LCORL: variants seen among roughly 807,000 people sequenced by gnomAD.
LCORL encodes ligand-dependent nuclear receptor corepressor-like protein.
A neutral mutation model predicts 141.8 loss-of-function variants in LCORL; 41 were observed. The ratio of observed to expected loss-of-function variants is 0.29; its 90% CI spans 0.23 to 0.38. The LOEUF (loss-of-function observed/expected upper bound fraction) is 0.38, where lower values mean the gene tolerates loss of function less well. Ranked by LOEUF, LCORL falls within the 10% of genes least tolerant of loss-of-function variation. The probability of loss-of-function intolerance (pLI) is 1.00; values close to 1 mark genes in which losing one functional copy is unlikely to be tolerated. For synonymous variants in LCORL, 618 were observed against 694.1 expected, an observed-to-expected ratio of 0.89 and a Z score of 1.72; for missense variants, 1,759 against 2,035.0, an observed-to-expected ratio of 0.86 and a Z score of 2.61.
At chr4:18,018,051 C>T (rs950784759) in intron 1 of LCORL, among the ~76,000 whole-genome samples, 2 of 152,050 alleles carry the variant, frequency 1.3e-5, no homozygotes, top group Admixed American at 1.3e-4. Context: ...ATTCTTCCAA[C>T]TTTTAAGATT....
intron 6 of LCORL, among the ~76,000 whole-genome samples, chr4:17,879,304 T>C (rs1180251455): frequency 1.3e-5 from 2 of 151,148 alleles, no homozygotes; most frequent in African/African-American, 4.8e-5. Flanking sequence ...TTCACTTATA[T>C]TTTATAAAAA....
intron 4 of LCORL, among the ~76,000 whole-genome samples, chr4:17,934,157 T>C (rs576176949): frequency 6.6e-6 from 1 of 152,224 alleles, no homozygotes; most frequent in South Asian, 2.1e-4. Flanking sequence ...TACATGACTG[T>C]GTATTTGGCA....
intron 4 of LCORL, among the ~76,000 whole-genome samples, chr4:17,941,414 G>A (rs1372649491): frequency 6.6e-6 from 1 of 151,842 alleles, no homozygotes; most frequent in East Asian, 1.9e-4. Context: ...AGCCGAGATT[G>A]CACCATTGCA....
chr4:17,874,624 C>T, exon 7 of LCORL: 1 of 1,233,744 alleles, frequency 8.1e-7, no homozygotes, highest in East Asian at 3.2e-5. Flanking sequence ...TCAGCTTCAT[C>T]TCCACTTACT....
chr4:17,856,682 T>G (rs1272176218), intron 7 of LCORL, among the ~76,000 whole-genome samples: 1 of 152,184 alleles, frequency 6.6e-6, no homozygotes, highest in Non-Finnish European at 1.5e-5. Flanking sequence ...TAATAAAAGT[T>G]CGAATTTCTC....
chr4:17,940,116 G>GTGTA lies in LCORL; in HGVS notation c.430+21786_430+21787insTACA, dbSNP rs527378206. Among the ~76,000 whole-genome samples the GTGTA allele has an allele frequency of 3.1e-5, 4 of 127,328 alleles. No homozygotes were observed. In the East Asian group the frequency reaches 9.1e-4, roughly 29 times the overall value. The allele number at this position is 127,328 out of a possible 152,430, so 83.5% of individuals were successfully genotyped here. On this transcript the variant is annotated intron_variant, in intron 4 of 7. Transcript: ENST00000635767. ...CATATATAGGTAGATATATGTGTGTGTATATATATATGTATATGTGTATAT... is the reference window on the plus strand; with the variant it reads ...CATATATAGGTAGATATATGTGTGTGTGTATATATATATATGTATATGTGTATAT...
chr4:17,942,741 G>T (rs1407455378), intron 4 of LCORL, among the ~76,000 whole-genome samples: 2 of 152,134 alleles, frequency 1.3e-5, no homozygotes, highest in African/African-American at 2.4e-5. Flanking sequence ...TAGTATGGAA[G>T]AATACAATAT....
intron 7 of LCORL, among the ~76,000 whole-genome samples, chr4:17,848,747 G>GC (rs1723238902): frequency 6.6e-6 from 1 of 152,232 alleles, no homozygotes; most frequent in Non-Finnish European, 1.5e-5. Flanking sequence ...CTCGGGAAGC[G>GC]CAAGGGGTCA....
At chr4:17,900,695 T>A (rs1191462442) in intron 5 of LCORL, among the ~76,000 whole-genome samples, 1 of 152,108 alleles carries the variant, frequency 6.6e-6, no homozygotes, top group Admixed American at 6.6e-5. Context: ...GAAAGAGAAT[T>A]AGTAAATTGG....
At chr4:17,879,502 C>T (rs903209139) in intron 6 of LCORL, among the ~76,000 whole-genome samples, 1 of 150,832 alleles carries the variant, frequency 6.6e-6, no homozygotes, top group African/African-American at 2.4e-5. Flanking sequence ...AAGTCACTGC[C>T]GCCTCTAGAC....
At chr4:17,857,024 T>C (rs950685747) in intron 7 of LCORL, among the ~76,000 whole-genome samples, 8 of 152,246 alleles carry the variant, frequency 5.3e-5, no homozygotes, top group Non-Finnish European at 1.5e-5. Flanking sequence ...ACTCGGCACA[T>C]AGAAACTGGA....
chr4:17,963,985 A>G (rs905499429), intron 2 of LCORL, among the ~76,000 whole-genome samples: 3 of 152,108 alleles, frequency 2.0e-5, no homozygotes, highest in Admixed American at 1.3e-4. Context: ...GCTAAAATGC[A>G]CAGATAATAA....
intron 6 of LCORL, chr4:17,882,655 C>A: frequency 1.0e-6 from 1 of 984,638 alleles, no homozygotes; most frequent in Non-Finnish European, 1.2e-6. Context: ...TATCGCCCAC[C>A]AAAATGAAAT....
chr4:18,020,871 C>A, intron 1 of LCORL: 1 of 152,552 alleles, frequency 6.6e-6, no homozygotes. Flanking sequence ...CAACACCCCC[C>A]ATCCGTCCAG....
intron 5 of LCORL, among the ~76,000 whole-genome samples, chr4:17,904,316 C>T (rs2109308626): frequency 6.6e-6 from 1 of 152,152 alleles, no homozygotes; most frequent in Admixed American, 6.5e-5. Context: ...GTCTCACTGG[C>T]TGTAGTTTTG....
chr4:17,930,459 G>A (rs766394606), intron 4 of LCORL, among the ~76,000 whole-genome samples: 2 of 152,190 alleles, frequency 1.3e-5, no homozygotes, highest in Non-Finnish European at 2.9e-5. Flanking sequence ...TAGTTGGAAT[G>A]CTGCCAGTGT....
chr4:17,939,158 G>C (rs1737391133), intron 4 of LCORL, among the ~76,000 whole-genome samples: 1 of 152,180 alleles, frequency 6.6e-6, no homozygotes, highest in South Asian at 2.1e-4. Context: ...TACATGAATT[G>C]TCTGTAAGAA....
chr4:17,950,749 T>C (rs954797186), intron 4 of LCORL, among the ~76,000 whole-genome samples: 2 of 151,982 alleles, frequency 1.3e-5, no homozygotes, highest in Non-Finnish European at 2.9e-5. Flanking sequence ...ATGTTCATCA[T>C]TAGTCAAGCA....
At chr4:17,904,174 G>A (rs1731283435) in intron 5 of LCORL, among the ~76,000 whole-genome samples, 1 of 151,936 alleles carries the variant, frequency 6.6e-6, no homozygotes. Context: ...TTATAATATA[G>A]AATAAAAGAA....
Sources: gnomAD v4.1 joint callset for allele counts (sites outside exome capture counted in the v4.1 genomes callset) on GRCh38, gnomAD v4.1.1 for gene constraint, MANE v1.5 for transcripts, NCBI Gene and HGNC (gene_info 2026-07-23, HGNC 2026-07-21) for gene names.